The following IMMP2L variants were observed in gnomAD, a reference collection of about 807,000 sequenced individuals.
IMMP2L encodes the protein inner mitochondrial membrane peptidase subunit 2.
Under a neutral mutation model 19.3 loss-of-function variants are expected in IMMP2L, and 18 were observed. That is an observed-to-expected ratio of 0.93 (90% confidence interval 0.64 to 1.38). IMMP2L has a LOEUF of 1.38. Among genes scored for constraint, IMMP2L ranks in the 40% most tolerant of loss-of-function variants. The probability of loss-of-function intolerance (pLI) is 0.00; values close to 1 mark genes in which losing one functional copy is unlikely to be tolerated. For synonymous variants in IMMP2L, 76 were observed against 73.0 expected (o/e 1.04, Z -0.21); for missense variants, 233 against 218.2 (o/e 1.07, Z -0.43).
intron 4 of IMMP2L, among the ~76,000 whole-genome samples, chr7:110,912,421 A>T (rs2129548497): frequency 6.6e-6 from 1 of 152,248 alleles, no homozygotes; most frequent in African/African-American, 2.4e-5. Context: ...ATAAATAATT[A>T]GTTAAATTGT....
chr7:111,277,304 A>G (rs1388124284), intron 3 of IMMP2L, among the ~76,000 whole-genome samples: 1 of 152,128 alleles, frequency 6.6e-6, no homozygotes, highest in Admixed American at 6.6e-5. Flanking sequence ...AACATTTTCC[A>G]AAAGACGTAC....
intron 5 of IMMP2L, among the ~76,000 whole-genome samples, chr7:110,784,064 TA>T (rs1158073471): frequency 3.3e-5 from 5 of 151,922 alleles, no homozygotes; most frequent in Non-Finnish European, 2.9e-5. Context: ...GAACCCACAA[TA>T]AAAGAATTAC....
intron 3 of IMMP2L, among the ~76,000 whole-genome samples, chr7:111,362,289 T>A (rs1334362652): frequency 6.6e-6 from 1 of 152,052 alleles, no homozygotes; most frequent in Non-Finnish European, 1.5e-5. Flanking sequence ...TTCTCTTCAA[T>A]AAAAATGTAC....
intron 5 of IMMP2L, among the ~76,000 whole-genome samples, chr7:110,866,101 C>T (rs1807952486): frequency 6.6e-6 from 1 of 151,690 alleles, no homozygotes; most frequent in South Asian, 2.1e-4. Context: ...TTTTTTTTCC[C>T]ATAGCAAAGC....
chr7:111,520,631 C>T (rs1781202876), intron 2 of IMMP2L, among the ~76,000 whole-genome samples: 1 of 152,034 alleles, frequency 6.6e-6, no homozygotes, highest in African/African-American at 2.4e-5. Flanking sequence ...AACGCATGAA[C>T]TTAATACATA....
chr7:111,456,260 A>T (rs1839667246), intron 3 of IMMP2L, among the ~76,000 whole-genome samples: 1 of 152,060 alleles, frequency 6.6e-6, no homozygotes, highest in African/African-American at 2.4e-5. Context: ...AGAAGGGCAA[A>T]CAAGATGGTA....
intron 3 of IMMP2L, among the ~76,000 whole-genome samples, chr7:111,146,891 C>G (rs182938412): frequency 1.7e-4 from 26 of 152,182 alleles, no homozygotes; most frequent in Admixed American, 1.5e-3. Context: ...TATCCTCCAT[C>G]TCCTAACATT....
At chr7:111,192,571 A>G (rs1212665328) in intron 3 of IMMP2L, among the ~76,000 whole-genome samples, 1 of 152,140 alleles carries the variant, frequency 6.6e-6, no homozygotes, top group Non-Finnish European at 1.5e-5. Flanking sequence ...TAGCAATCTC[A>G]ATTATAGTTG....
At chr7:111,013,234 A>G (rs1021962928) in intron 3 of IMMP2L, among the ~76,000 whole-genome samples, 1 of 152,180 alleles carries the variant, frequency 6.6e-6, no homozygotes, top group Non-Finnish European at 1.5e-5. Flanking sequence ...TAGTACTAAG[A>G]GCAATTGAGA....
At chr7:111,083,070 C>T (rs976664273) in intron 3 of IMMP2L, among the ~76,000 whole-genome samples, 27 of 152,148 alleles carry the variant, frequency 1.8e-4, no homozygotes, top group African/African-American at 6.3e-4. Context: ...TTTGTAGTCT[C>T]AAATATATTT....
intron 3 of IMMP2L, among the ~76,000 whole-genome samples, chr7:110,999,607 TA>T (rs150912208): frequency 0.071 from 9,353 of 132,224 alleles, 345 homozygotes; most frequent in Non-Finnish European, 0.091. Context: ...TTTCGATGAA[TA>T]AAAAAAAAAA....
chr7:110,867,553 C>T (rs1808102020), intron 5 of IMMP2L, among the ~76,000 whole-genome samples: 1 of 151,828 alleles, frequency 6.6e-6, no homozygotes, highest in Non-Finnish European at 1.5e-5. Flanking sequence ...ATGTGGGGAC[C>T]TGAAAGATGA....
At chr7:111,338,911 T>C (rs1306495595) in intron 3 of IMMP2L, among the ~76,000 whole-genome samples, 2 of 152,088 alleles carry the variant, frequency 1.3e-5, no homozygotes, top group African/African-American at 4.8e-5. Flanking sequence ...AATACAACTA[T>C]TTATCCTGAG....
intron 3 of IMMP2L, among the ~76,000 whole-genome samples, chr7:111,208,858 T>C (rs1811000534): frequency 6.6e-6 from 1 of 152,158 alleles, no homozygotes; most frequent in Non-Finnish European, 1.5e-5. Context: ...CTCAAATAAT[T>C]AGACTTGGGA....
chr7:111,502,690 G>A (rs1371475742), intron 2 of IMMP2L, among the ~76,000 whole-genome samples: 3 of 151,212 alleles, frequency 2.0e-5, no homozygotes, highest in African/African-American at 7.3e-5. Flanking sequence ...TCAACTACAT[G>A]GAAACTGAAC....
intron 3 of IMMP2L, chr7:111,124,885 ACAAATATGT>A: frequency 1.3e-6 from 2 of 1,587,116 alleles, no homozygotes; most frequent in Non-Finnish European, 1.7e-6. Context: ...AGGTTTACCA[ACAAATATGT>A]CCTAAAAACC....
Position 110,663,637 on chromosome 7 carries a change from G to A in IMMP2L, c.493C>T (p.Pro165Ser). The A allele has an allele frequency of 6.2e-7, 1 of 1,612,752 alleles. No individual in the cohort carries two copies. The highest frequency in any genetic ancestry group is 8.5e-7 in the Non-Finnish European group (1 of 1,179,156). Reference protein sequence around the residue: ...RWQKLESVLPPERLPVQREEE With the variant: ...RWQKLESVLPSERLPVQREEE ...TCTCTCTGTACTGGTAAGCGCTCTG[G>A]AGGAAGAACAGATTCCAATTTCTGC... The change falls in exon 6 of 6, where the codon CCA becomes TCA. Residue 165 changes from proline (P) to serine (S), a missense_variant. By Grantham distance (74) the Pro-to-Ser change is moderately conservative. Transcript: ENST00000405709.
intron 3 of IMMP2L, among the ~76,000 whole-genome samples, chr7:111,447,832 A>C (rs1036197616): frequency 8.6e-5 from 13 of 151,856 alleles, no homozygotes; most frequent in Non-Finnish European, 1.6e-4. Flanking sequence ...GCAGAGACAC[A>C]CATAGGCTCA....
chr7:110,851,257 T>C (rs373096035), intron 5 of IMMP2L, among the ~76,000 whole-genome samples: 1 of 152,154 alleles, frequency 6.6e-6, no homozygotes, highest in Non-Finnish European at 1.5e-5. Context: ...CAAAGATTTA[T>C]ATAAATAGAT....
Sources: gnomAD v4.1 joint callset for allele counts (sites outside exome capture counted in the v4.1 genomes callset) on GRCh38, gnomAD v4.1.1 for gene constraint, MANE v1.5 for transcripts, NCBI Gene and HGNC (gene_info 2026-07-23, HGNC 2026-07-21) for gene names.